Variants in COL9A2 observed in about 807,000 individuals in gnomAD.
The protein encoded by COL9A2 is collagen alpha-2(IX) chain.
Under a neutral mutation model 111.6 loss-of-function variants are expected in COL9A2, and 66 were observed. That is an observed-to-expected ratio of 0.59 (90% CI 0.48 to 0.73). The LOEUF (loss-of-function observed/expected upper bound fraction) is 0.73, where lower values mean the gene tolerates loss of function less well. COL9A2 is among the 30% of genes least tolerant of loss of function. COL9A2 has a pLI of 0.00. For synonymous variants in COL9A2, 353 were observed against 364.1 expected, an observed-to-expected ratio of 0.97 and a Z score of 0.35; for missense variants, 881 against 954.1, an observed-to-expected ratio of 0.92 and a Z score of 1.01.
At position 40,311,479 on chromosome 1, in the gene COL9A2, G is replaced by A. The variant is rs763052871; in HGVS notation, c.519+21C>T. 2.8e-5 allele frequency: 14 copies of A among 507,920 alleles called. 1 individual carries two copies. Among genetic ancestry groups the A allele is most frequent in the South Asian group, 1.8e-4 (8 of 44,340 alleles). The allele number at this position is 507,920 out of a possible 1,614,324, so 31.5% of individuals were successfully genotyped here. On this transcript the variant is annotated intron_variant, in intron 10 of 31. Coordinates refer to ENST00000372748, the MANE Select transcript of COL9A2 (RefSeq NM_001852.4). The surrounding 1 kb of genome is among the most constrained non-coding windows in gnomAD (Gnocchi z 5.1). Reference sequence around the variant, plus strand: ...GGCCCCGCCCCCCTGTGTTAGCCCCGCCCCAGACCTCGTCTCTCACCAGGA... The same window carrying A: ...GGCCCCGCCCCCCTGTGTTAGCCCCACCCCAGACCTCGTCTCTCACCAGGA...
Position 40,304,817 on chromosome 1 carries a change from G to A in COL9A2, c.1138C>T (p.Pro380Ser). 6.4e-7 allele frequency: 1 copy of A among 1,550,886 alleles called. No individual in the cohort carries two copies. ...ACCTTCTGTCCCATGATGCCCTGGG[G>A]ACCAATTTCTCCTCGAGGCCCTGGC... ...GEPGPRGEIG[P>S]QGIMGQKGDQ... The change falls in exon 22 of 32, where the codon CCC becomes TCC. Residue 380 changes from proline (P) to serine (S), a missense_variant. Transcript: ENST00000372748.
chr1:40,317,254 A>G lies in COL9A2; in HGVS notation c.-57T>C. On this transcript the variant is annotated 5_prime_UTR_variant, in exon 1 of 32. Coordinates refer to ENST00000372748, the MANE Select transcript of COL9A2 (RefSeq NM_001852.4). The surrounding 1 kb of genome is among the most constrained non-coding windows in gnomAD (Gnocchi z 4.3). ...GTGTCCGCGCACGCACCGACGGCAGAGTCTCCCGGCGCTCCTCCAGCGCTG... is the reference window on the plus strand; with the variant it reads ...GTGTCCGCGCACGCACCGACGGCAGGGTCTCCCGGCGCTCCTCCAGCGCTG... 1 of 1,055,296 alleles carries G rather than the reference A, an allele frequency of 9.5e-7. No homozygotes were observed. The highest frequency in any genetic ancestry group is 1.3e-6 in the Non-Finnish European group (1 of 761,044). 65.4% of individuals were successfully genotyped at this position (1,055,296 alleles called of 1,614,324 possible).
At chr1:40,309,342 A>T (rs989338492) in intron 16 of COL9A2, among the ~76,000 whole-genome samples, 21 of 152,110 alleles carry the variant, frequency 1.4e-4, no homozygotes, top group South Asian at 4.1e-4. Flanking sequence ...AAAATAATTT[A>T]AAAAACTAAA....
Position 40,302,553 on chromosome 1 carries a change from G to A in COL9A2, c.1792+68C>T. ...CTGTATGTCATCCTGAGAAGGGAAT[G>A]GGGAAAGGGCCGGCCTGGACAAATC... On this transcript the variant is annotated intron_variant, in intron 30 of 31. Coordinates refer to ENST00000372748, the MANE Select transcript of COL9A2 (RefSeq NM_001852.4). This position sits in a 1 kb window ranked among gnomAD's most constrained non-coding sequence, Gnocchi z 4.5. 1.3e-6 allele frequency: 2 copies of A among 1,514,564 alleles called. No homozygotes were observed. The highest frequency in any genetic ancestry group is 1.2e-5 in the South Asian group (1 of 83,440). The allele number at this position is 1,514,564 out of a possible 1,614,324, so 93.8% of individuals were successfully genotyped here.
At position 40,307,375 on chromosome 1, in the gene COL9A2, G is replaced by GGT; in HGVS notation, c.1008+69_1008+70dup. ...AGGTGGTGATTGAGCAAGAGCCCCGGGTGTGTGTGGATTCTAACCTCATCA... is the reference window on the plus strand; with the variant it reads ...AGGTGGTGATTGAGCAAGAGCCCCGGGTGTGTGTGTGGATTCTAACCTCATCA... On this transcript the variant is annotated intron_variant, in intron 19 of 31. Transcript: ENST00000372748. This position sits in a 1 kb window ranked among gnomAD's most constrained non-coding sequence, Gnocchi z 4.8. The GGT allele has an allele frequency of 7.0e-7, 1 of 1,435,216 alleles. No individual in the cohort carries two copies. Among genetic ancestry groups the GGT allele is most frequent in the Non-Finnish European group, 9.7e-7 (1 of 1,029,562 alleles). The allele number at this position is 1,435,216 out of a possible 1,614,324, so 88.9% of individuals were successfully genotyped here. A position where few individuals can be genotyped will look rare whatever the true frequency, so the allele number is the denominator to read the frequency against.
chr1:40,311,434 C>T lies in COL9A2; in HGVS notation c.519+66G>A. 6.4e-7 allele frequency: 1 copy of T among 1,563,912 alleles called. No homozygotes were observed. Among genetic ancestry groups the T allele is most frequent in the African/African-American group, 1.4e-5 (1 of 73,874 alleles). ...TCTCCAGACACCCCCATCTCCGTGGCCCCGCCTCCCCATCTCTGTGGCCCC... is the reference window on the plus strand; with the variant it reads ...TCTCCAGACACCCCCATCTCCGTGGTCCCGCCTCCCCATCTCTGTGGCCCC... On this transcript the variant is annotated intron_variant, in intron 10 of 31. Transcript: ENST00000372748. The surrounding 1 kb of genome is among the most constrained non-coding windows in gnomAD (Gnocchi z 5.1).
intron 20 of COL9A2, 140 bp from the exon 21 acceptor site, chr1:40,305,908 G>T: frequency 2.3e-6 from 2 of 851,542 alleles, no homozygotes; most frequent in Non-Finnish European, 3.9e-6. Context: ...CAATCCTCTT[G>T]GCTCCTGATT....
In COL9A2 at chr1:40,311,256, C is replaced by T. The variant is rs1374069257; in HGVS notation, c.550G>A (p.Gly184Ser). The T allele has an allele frequency of 1.2e-6, 2 of 1,614,066 alleles. No individual in the cohort carries two copies. Among genetic ancestry groups the T allele is most frequent in the South Asian group, 1.1e-5 (1 of 91,078 alleles). The change falls in exon 11 of 32, where the codon GGT (glycine) becomes AGT (serine). Residue 184 changes from glycine to serine, a missense_variant. Coordinates refer to ENST00000372748, the MANE Select transcript of COL9A2 (RefSeq NM_001852.4). This position sits in a 1 kb window ranked among gnomAD's most constrained non-coding sequence, Gnocchi z 5.1. Reference protein sequence around the residue: ...CPTNCPPGMKGPPGLQGVKGH... With the variant: ...CPTNCPPGMKSPPGLQGVKGH... The stretch of plus-strand genomic sequence containing the variant: ...TTCACTCCCTGCAGCCCTGGGGGAC[C>T]TTTCATTCCGGGTGGACAGTTGGTT...
rs982144308 is a variant in COL9A2 at position 40,305,020 on chromosome 1, A to G, written c.1108-173T>C. 1.4e-5 allele frequency: 8 copies of G among 564,010 alleles called. No homozygotes were observed. The African/African-American group carries it at 1.5e-4, about 11-fold the overall frequency. The allele number at this position is 564,010 out of a possible 1,614,324, so 34.9% of individuals were successfully genotyped here. ...CTGTAGTTTTCTTTCAAAGGACCCAACACAATTTGAATTACTTATCATGTG... is the reference window on the plus strand; with the variant it reads ...CTGTAGTTTTCTTTCAAAGGACCCAGCACAATTTGAATTACTTATCATGTG... On this transcript the variant is annotated intron_variant, in intron 21 of 31. Transcript: ENST00000372748.
At position 40,301,161 on chromosome 1, in the gene COL9A2, G is replaced by A. The variant is rs1266474105; in HGVS notation, c.*21C>T. Reference sequence around the variant, plus strand: ...GTCCTTCCCGCCAGGATGCCTGCCAGGCTCTGTCTGGGCCTGATGCTCAAG... The same window carrying A: ...GTCCTTCCCGCCAGGATGCCTGCCAAGCTCTGTCTGGGCCTGATGCTCAAG... On this transcript the variant is annotated 3_prime_UTR_variant, in exon 32 of 32. Transcript: ENST00000372748. The A allele has an allele frequency of 3.1e-6, 5 of 1,612,176 alleles. No individual in the cohort carries two copies. Among genetic ancestry groups the A allele is most frequent in the Non-Finnish European group, 8.5e-7 (1 of 1,179,766 alleles).
At position 40,317,278 on chromosome 1, in the gene COL9A2, TGGC is replaced by T. The variant is rs1644234851; in HGVS notation, c.-84_-82del. On this transcript the variant is annotated 5_prime_UTR_variant, in exon 1 of 32. Transcript: ENST00000372748. This position sits in a 1 kb window ranked among gnomAD's most constrained non-coding sequence, Gnocchi z 4.3. ...GAGTCTCCCGGCGCTCCTCCAGCGCTGGCTGTTCGCGGGCAGGGTGGGCTGGGG... is the reference window on the plus strand; with the variant it reads ...GAGTCTCCCGGCGCTCCTCCAGCGCTTGTTCGCGGGCAGGGTGGGCTGGGG... 3 of 570,108 alleles carry T rather than the reference TGGC, an allele frequency of 5.3e-6. No homozygotes were observed. Among genetic ancestry groups the T allele is most frequent in the African/African-American group, 2.2e-5 (1 of 45,166 alleles). The allele number at this position is 570,108 out of a possible 1,614,324, so 35.3% of individuals were successfully genotyped here.
At position 40,310,841 on chromosome 1, in the gene COL9A2, C is replaced by T. The variant is rs72944928; in HGVS notation, c.631-74G>A. ...CATATACAGACAAGCAAAGATACCACCTCTTTTCCCCAGCACAAGCAGACG... is the reference window on the plus strand; with the variant it reads ...CATATACAGACAAGCAAAGATACCATCTCTTTTCCCCAGCACAAGCAGACG... On this transcript the variant is annotated intron_variant, in intron 12 of 31. Coordinates refer to ENST00000372748, the MANE Select transcript of COL9A2 (RefSeq NM_001852.4). This position sits in a 1 kb window ranked among gnomAD's most constrained non-coding sequence, Gnocchi z 4.9. The T allele has an allele frequency of 0.044, 56,351 of 1,277,144 alleles. 2,587 individuals are homozygous for T. Among genetic ancestry groups the T allele is most frequent in the African/African-American group, 0.18 (12,443 of 67,582 alleles). 79.1% of individuals were successfully genotyped at this position (1,277,144 alleles called of 1,614,324 possible). A position where few individuals can be genotyped will look rare whatever the true frequency, so the allele number is the denominator to read the frequency against.
rs1175280237 is a variant in COL9A2, at chr1:40,317,027, G to A, written c.75+96C>T. On this transcript the variant is annotated intron_variant, in intron 1 of 31. Transcript: ENST00000372748. The surrounding 1 kb of genome is among the most constrained non-coding windows in gnomAD (Gnocchi z 4.3). ...TCCTCAGGTGGCCTCTCGGGCTAGGGGTGTCAGTAGGCGCGGGACACAGGC... is the reference window on the plus strand; with the variant it reads ...TCCTCAGGTGGCCTCTCGGGCTAGGAGTGTCAGTAGGCGCGGGACACAGGC... 7.9e-7 allele frequency: 1 copy of A among 1,266,012 alleles called. No individual in the cohort carries two copies. Among genetic ancestry groups the A allele is most frequent in the East Asian group, 2.5e-5 (1 of 39,644 alleles). The allele number at this position is 1,266,012 out of a possible 1,614,324, so 78.4% of individuals were successfully genotyped here.
rs1027585157 is a variant in COL9A2 at position 40,312,563 on chromosome 1, G to A, written c.339+11C>T. The A allele has an allele frequency of 6.2e-7, 1 of 1,613,992 alleles. No homozygotes were observed. Among genetic ancestry groups the A allele is most frequent in the Non-Finnish European group, 8.5e-7 (1 of 1,180,004 alleles). On this transcript the variant is annotated intron_variant, in intron 6 of 31. Coordinates refer to ENST00000372748, the MANE Select transcript of COL9A2 (RefSeq NM_001852.4). The surrounding 1 kb of genome is among the most constrained non-coding windows in gnomAD (Gnocchi z 6.0). ...CAAGAGTCCCTCGAAGCCCTTGCAG[G>A]TTGTACTCACCGGAAGGCCAGGAGG...
chr1:40,308,359 C>T (rs1644063472), intron 16 of COL9A2, 114 bp from the exon 17 acceptor site: 1 of 1,063,032 alleles, frequency 9.4e-7, no homozygotes, highest in Non-Finnish European at 1.4e-6. Context: ...TCCTCTGGCA[C>T]AGGCCACACC....
Position 40,310,982 on chromosome 1 carries a change from G to T in COL9A2, c.630+111C>A. 6.9e-7 allele frequency: 1 copy of T among 1,446,354 alleles called. No individual in the cohort carries two copies. The highest frequency in any genetic ancestry group is 9.7e-7 in the Non-Finnish European group (1 of 1,029,712). The allele number at this position is 1,446,354 out of a possible 1,614,324, so 89.6% of individuals were successfully genotyped here. A position where few individuals can be genotyped will look rare whatever the true frequency, so the allele number is the denominator to read the frequency against. On this transcript the variant is annotated intron_variant, in intron 12 of 31. Coordinates refer to ENST00000372748, the MANE Select transcript of COL9A2 (RefSeq NM_001852.4). This position sits in a 1 kb window ranked among gnomAD's most constrained non-coding sequence, Gnocchi z 4.9. ...ACAGGCCTCCAGCCCCCGGCTCAAG[G>T]CTCTGTCCCCAGAACCCACAGGGGA... is the stretch of plus-strand genomic sequence containing the variant.
Position 40,311,067 on chromosome 1 carries a change from C to T in COL9A2, c.630+26G>A. The stretch of plus-strand genomic sequence containing the variant: ...AGGACCATCTCCACGTATCCCTGAC[C>T]CACAGCCCTCAGCCCTTGCACTCAC... On this transcript the variant is annotated intron_variant, in intron 12 of 31. Coordinates refer to ENST00000372748, the MANE Select transcript of COL9A2 (RefSeq NM_001852.4). This position sits in a 1 kb window ranked among gnomAD's most constrained non-coding sequence, Gnocchi z 5.1. The T allele has an allele frequency of 6.2e-7, 1 of 1,613,702 alleles. No individual in the cohort carries two copies.
Position 40,312,736 on chromosome 1 carries a change from C to T in COL9A2, c.298G>A (p.Val100Ile), listed in dbSNP as rs2124095791. 1 of 1,554,712 alleles carries T rather than the reference C, an allele frequency of 6.4e-7. No individual in the cohort carries two copies. The highest frequency in any genetic ancestry group is 8.7e-7 in the Non-Finnish European group (1 of 1,148,408). The stretch of plus-strand genomic sequence containing the variant: ...GGCCCCAGCAGGCCCCTTACCTTGA[C>T]TCCAGGGATCCCCATGGGGCCAGGC... ...GEPGPMGIPG[V>I]KGQPGLPGPP... The change falls in exon 5 of 32, where the codon GTC becomes ATC. Residue 100 changes from valine (V) to isoleucine (I), a missense_variant. By Grantham distance (29) the Val-to-Ile change is conservative. Transcript: ENST00000372748. This position sits in a 1 kb window ranked among gnomAD's most constrained non-coding sequence, Gnocchi z 6.0.
rs927693501 is a variant in COL9A2, at chr1:40,311,939, G to C, written c.417+120C>G. On this transcript the variant is annotated intron_variant, in intron 8 of 31. Transcript: ENST00000372748. This position sits in a 1 kb window ranked among gnomAD's most constrained non-coding sequence, Gnocchi z 5.1. ...GCTCATAGGAGGGGTTTCTGCCCCA[G>C]ACCTGGAGGAGTTTCCCAGTGGCCA... The C allele has an allele frequency of 8.4e-7, 1 of 1,188,088 alleles. No homozygotes were observed. Among genetic ancestry groups the C allele is most frequent in the Non-Finnish European group, 1.2e-6 (1 of 816,478 alleles). 73.6% of individuals were successfully genotyped at this position (1,188,088 alleles called of 1,614,324 possible).
Sources: allele counts gnomAD v4.1 joint callset (sites outside exome capture counted in the v4.1 genomes callset), GRCh38; gene constraint gnomAD v4.1.1; non-coding constraint Gnocchi (gnomAD v3.1); transcripts MANE v1.5; gene names NCBI Gene and HGNC (gene_info 2026-07-23, HGNC 2026-07-21).